The following EBF4 variants were observed in gnomAD, a reference collection of about 807,000 sequenced individuals.
EBF4 encodes the protein EBF transcription factor 4, also known as transcription factor COE4.
A neutral mutation model predicts 67.1 loss-of-function variants in EBF4; 34 were observed. The observed-to-expected ratio is 0.51, with a 90% confidence interval of 0.39 to 0.67. The LOEUF (loss-of-function observed/expected upper bound fraction) is 0.67, where lower values mean the gene tolerates loss of function less well. Among genes scored for constraint, EBF4 ranks in the 30% least tolerant of loss-of-function variants. EBF4 has a pLI of 0.00. For missense variants in EBF4, 837 were observed against 873.3 expected (o/e 0.96, Z 0.52); for synonymous variants, 387 against 377.7 (o/e 1.02, Z -0.29).
chr20:2,742,660 G>T (rs1200808087), intron 6 of EBF4, among the ~76,000 whole-genome samples: 1 of 152,072 alleles, frequency 6.6e-6, no homozygotes, highest in Admixed American at 6.5e-5. Flanking sequence ...GTCAGAGAGG[G>T]CTGTGGACTT....
Position 2,693,781 on chromosome 20 carries a change from A to T in EBF4, c.136A>T (p.Ser46Cys). ...CCTGGACGCCAGCACCGCGGCGCAGAGGTAAGCGCTCGGACCGGACCCGGT... is the reference window on the plus strand; with the variant it reads ...CCTGGACGCCAGCACCGCGGCGCAGTGGTAAGCGCTCGGACCGGACCCGGT... The change falls in exon 1 of 17, where the codon AGT becomes TGT. Residue 46 changes from serine (S) to cysteine (C), a missense_variant and splice_region_variant. Coordinates refer to ENST00000609451, the Ensembl canonical transcript of EBF4. The surrounding 1 kb of genome is among the most constrained non-coding windows in gnomAD (Gnocchi z 4.6). 7.5e-7 allele frequency: 1 copy of T among 1,325,034 alleles called. No individual in the cohort carries two copies. The highest frequency in any genetic ancestry group is 9.6e-7 in the Non-Finnish European group (1 of 1,038,624). The allele number at this position is 1,325,034 out of a possible 1,614,324, so 82.1% of individuals were successfully genotyped here. A position where few individuals can be genotyped will look rare whatever the true frequency, so the allele number is the denominator to read the frequency against.
intron 6 of EBF4, among the ~76,000 whole-genome samples, chr20:2,713,829 T>A (rs1399231763): frequency 6.6e-6 from 1 of 152,014 alleles, no homozygotes; most frequent in African/African-American, 2.4e-5. Context: ...GGATGTTAGG[T>A]GGATGGAGAA....
chr20:2,705,894 T>G, intron 2 of EBF4, 80 bp from the exon 3 acceptor site: 4 of 1,501,444 alleles, frequency 2.7e-6, no homozygotes, highest in East Asian at 2.5e-5. Flanking sequence ...GGGAAAGAAG[T>G]TGGGGTTAGG....
chr20:2,737,185 G>A (rs944932993), intron 6 of EBF4, among the ~76,000 whole-genome samples: 3 of 149,992 alleles, frequency 2.0e-5, no homozygotes, highest in Non-Finnish European at 4.4e-5. Context: ...GGGAGGCGGA[G>A]CTTGCAGTGA....
In EBF4 at chr20:2,709,651, T is replaced by G; in HGVS notation, c.557+9T>G. 1 of 1,536,500 alleles carries G rather than the reference T, an allele frequency of 6.5e-7. No individual in the cohort carries two copies. Among genetic ancestry groups the G allele is most frequent in the Non-Finnish European group, 8.8e-7 (1 of 1,137,374 alleles). ...CCCGTCATCATTGACAGGTACAGGC[T>G]CAGGGAGGGGGCCTGGAAGCTCAGA... On this transcript the variant is annotated intron_variant, in intron 6 of 16. Coordinates refer to ENST00000609451, the Ensembl canonical transcript of EBF4.
intron 6 of EBF4, among the ~76,000 whole-genome samples, chr20:2,737,671 C>T (rs962919665): frequency 3.3e-5 from 5 of 151,834 alleles, no homozygotes; most frequent in Admixed American, 2.6e-4. Context: ...TGAGCCTGGA[C>T]GGCAGCAAGA....
At chr20:2,752,415 G>T in exon 14 of EBF4, 1 of 1,291,168 alleles carries the variant, frequency 7.7e-7, no homozygotes, top group Non-Finnish European at 9.8e-7. Context: ...GCCCCGGCTC[G>T]CAGCAGAGCG....
chr20:2,710,048 C>A (rs993082881), intron 6 of EBF4, among the ~76,000 whole-genome samples: 1 of 152,182 alleles, frequency 6.6e-6, no homozygotes, highest in Non-Finnish European at 1.5e-5. Flanking sequence ...TCTGAACATT[C>A]GTTTCTTTCA....
At chr20:2,693,553 C>T, upstream of EBF4, 2 of 1,280,984 alleles carry the variant, frequency 1.6e-6, no homozygotes, top group Non-Finnish European at 2.0e-6. This position sits in a 1 kb window ranked among gnomAD's most constrained non-coding sequence, Gnocchi z 4.6. Context: ...GCTGGAGGCG[C>T]CTGGTGCCGT....
At chr20:2,698,761 C>T (rs1164645498) in intron 1 of EBF4, among the ~76,000 whole-genome samples, 2 of 152,122 alleles carry the variant, frequency 1.3e-5, no homozygotes, top group South Asian at 2.1e-4. Context: ...GGGCTTGTCC[C>T]CCGTAGCCCT....
chr20:2,706,020 G>T lies in EBF4; in HGVS notation c.341G>T (p.Arg114Leu). 1 of 1,551,570 alleles carries T rather than the reference G, an allele frequency of 6.4e-7. No individual in the cohort carries two copies. ...AACAATGGGATCCATTACCGCCTCCGGCTGGTGTATAACAATGGTGAGTGG... is the reference window on the plus strand; with the variant it reads ...AACAATGGGATCCATTACCGCCTCCTGCTGGTGTATAACAATGGTGAGTGG... Residue 114 changes from arginine (R) to leucine (L), a missense_variant, in exon 3 of 17, where the codon CGG becomes CTG. This residue lies in a region of EBF4 where 226 missense variants were observed against 306.5 expected (regional missense o/e 0.74). Transcript: ENST00000609451.
intron 6 of EBF4, among the ~76,000 whole-genome samples, chr20:2,715,260 A>T (rs895199392): frequency 2.6e-5 from 4 of 152,206 alleles, no homozygotes; most frequent in African/African-American, 9.7e-5. Flanking sequence ...GTTTAACTTT[A>T]TAAAAAAAAA....
Position 2,751,503 on chromosome 20 carries a change from C to T in EBF4, c.1019-197C>T, listed in dbSNP as rs903021315. The stretch of plus-strand genomic sequence containing the variant: ...AGTAAATATTTGTTGAGTAAACAAA[C>T]GAAAGAACTGAAACTTCCCTGAATC... On this transcript the variant is annotated intron_variant, in intron 10 of 16. Coordinates refer to ENST00000609451, the Ensembl canonical transcript of EBF4. The surrounding 1 kb of genome is among the most constrained non-coding windows in gnomAD (Gnocchi z 5.2). 3.3e-5 allele frequency among the ~76,000 whole-genome samples: 5 copies of T among 152,118 alleles called. No individual in the cohort carries two copies. The highest frequency in any genetic ancestry group is 7.3e-5 in the Non-Finnish European group (5 of 68,032).
rs560495416 is a variant in EBF4, at chr20:2,754,477, C to T, written c.1541-1150C>T. Among the ~76,000 whole-genome samples the T allele has an allele frequency of 7.2e-5, 11 of 152,284 alleles. No homozygotes were observed. The East Asian group carries it at 1.5e-3, about 21-fold the overall frequency. On this transcript the variant is annotated intron_variant, in intron 14 of 16. Coordinates refer to ENST00000609451, the Ensembl canonical transcript of EBF4. ...CTGGCATTGGTCTCAAGCCCTTCAT[C>T]GGGCTCTGGGGCCTCTCCAGCTGGC...
intron 6 of EBF4, among the ~76,000 whole-genome samples, chr20:2,721,246 C>CTTTTTTTTTT (rs146844927): frequency 3.7e-5 from 4 of 108,082 alleles, no homozygotes; most frequent in Admixed American, 1.0e-4. Flanking sequence ...TGATTCTCTT[C>CTTTTTTTTTT]TTTTTTTTTT....
exon 7 of EBF4, chr20:2,748,630 G>T (rs1053803784): frequency 6.4e-7 from 1 of 1,551,546 alleles, no homozygotes; most frequent in Non-Finnish European, 8.7e-7. Context: ...GCCGCTTCCA[G>T]GTGGGTCTGG....
intron 6 of EBF4, among the ~76,000 whole-genome samples, chr20:2,728,508 G>A (rs751379361): frequency 2.9e-4 from 44 of 152,170 alleles, no homozygotes; most frequent in Non-Finnish European, 5.3e-4. Context: ...GGTGGCTGAA[G>A]GGAAAAGAGG....
chr20:2,752,860 G>A (rs1332557433), intron 14 of EBF4, among the ~76,000 whole-genome samples: 1 of 152,214 alleles, frequency 6.6e-6, no homozygotes, highest in African/African-American at 2.4e-5. Context: ...TGGGTGGCGG[G>A]CGTCCATCTG....
upstream of EBF4, among the ~76,000 whole-genome samples, chr20:2,693,398 C>T (rs2087239657): frequency 6.6e-6 from 1 of 151,678 alleles, no homozygotes; most frequent in African/African-American, 2.4e-5. The surrounding 1 kb of genome is among the most constrained non-coding windows in gnomAD (Gnocchi z 4.6). Context: ...CCCGCCAGCG[C>T]TCAGGCCGCG....
Sources: allele counts gnomAD v4.1 joint callset (sites outside exome capture counted in the v4.1 genomes callset), GRCh38; gene constraint gnomAD v4.1.1; regional missense constraint gnomAD v4.1.1; non-coding constraint Gnocchi (gnomAD v3.1); transcripts MANE v1.5; gene names NCBI Gene and HGNC (gene_info 2026-07-23, HGNC 2026-07-21).